The following BMP6 variants were observed in gnomAD, a reference collection of about 807,000 sequenced individuals.
BMP6 encodes the protein VG-1-R.
BMP6 carries 17 observed loss-of-function variants against 54.1 expected under a neutral mutation model. The ratio of observed to expected loss-of-function variants is 0.31; its 90% confidence interval spans 0.22 to 0.47. BMP6 has a LOEUF of 0.47. BMP6 is among the 20% of genes least tolerant of loss of function. The pLI is 1.00. For missense variants in BMP6, 720 were observed against 690.4 expected (o/e 1.04, Z -0.48); for synonymous variants, 328 against 291.2 (o/e 1.13, Z -1.28).
intron 1 of BMP6, among the ~76,000 whole-genome samples, chr6:7,813,533 C>G (rs1385587736): frequency 7.0e-6 from 1 of 142,250 alleles, no homozygotes; most frequent in Non-Finnish European, 1.5e-5. Context: ...GTCTCAGCTA[C>G]TAGGGAGGCT....
chr6:7,771,738 C>T (rs1244103803), intron 1 of BMP6, among the ~76,000 whole-genome samples: 1 of 152,176 alleles, frequency 6.6e-6, no homozygotes, highest in Non-Finnish European at 1.5e-5. Context: ...CAAAACTGCG[C>T]ATCAGCCATT....
At chr6:7,859,378 T>G (rs1024972949) in intron 2 of BMP6, among the ~76,000 whole-genome samples, 3 of 152,126 alleles carry the variant, frequency 2.0e-5, no homozygotes, top group African/African-American at 4.8e-5. Context: ...CCTAATCTAG[T>G]CATCAGAGGT....
chr6:7,865,350 C>T (rs1322004870), intron 4 of BMP6, among the ~76,000 whole-genome samples: 3 of 152,136 alleles, frequency 2.0e-5, no homozygotes, highest in South Asian at 2.1e-4. Context: ...AGGGTTCATA[C>T]GAAATCTCTC....
intron 4 of BMP6, among the ~76,000 whole-genome samples, chr6:7,867,029 C>G (rs1759434574): frequency 6.6e-6 from 1 of 152,168 alleles, no homozygotes; most frequent in Non-Finnish European, 1.5e-5. Flanking sequence ...CACCACTACT[C>G]CTGGATAATT....
At chr6:7,848,318 A>G (rs895353521) in intron 2 of BMP6, among the ~76,000 whole-genome samples, 36 of 152,312 alleles carry the variant, frequency 2.4e-4, no homozygotes, top group African/African-American at 7.9e-4. Context: ...GACTTCCCCA[A>G]CTACACCTAT....
intron 4 of BMP6, among the ~76,000 whole-genome samples, chr6:7,863,646 G>A (rs1353916572): frequency 3.3e-5 from 5 of 152,180 alleles, no homozygotes; most frequent in Admixed American, 2.0e-4. Flanking sequence ...GTCCCATTCT[G>A]CTCAGAACAG....
chr6:7,811,715 A>T (rs1023692925), intron 1 of BMP6, among the ~76,000 whole-genome samples: 5 of 152,140 alleles, frequency 3.3e-5, no homozygotes, highest in African/African-American at 1.2e-4. Context: ...AGGCCTCTTC[A>T]TTGTCGCTCT....
chr6:7,797,362 T>C (rs890492797), intron 1 of BMP6, among the ~76,000 whole-genome samples: 1 of 152,214 alleles, frequency 6.6e-6, no homozygotes, highest in Non-Finnish European at 1.5e-5. Context: ...GTATAGTCGC[T>C]TCAGCTTTCT....
chr6:7,813,444 G>GAT (rs1482116669), intron 1 of BMP6, among the ~76,000 whole-genome samples: 1 of 93,978 alleles, frequency 1.1e-5, no homozygotes, highest in African/African-American at 4.3e-5. Flanking sequence ...AACATAGTGA[G>GAT]ATCCCTGTCT....
At chr6:7,747,137 C>T (rs1396965665) in intron 1 of BMP6, among the ~76,000 whole-genome samples, 2 of 152,194 alleles carry the variant, frequency 1.3e-5, no homozygotes, top group Middle Eastern at 3.2e-3. Flanking sequence ...GGCAGCCCTG[C>T]GTATGGGAGA....
intron 1 of BMP6, among the ~76,000 whole-genome samples, chr6:7,820,199 ATATAC>A (rs1758585350): frequency 6.6e-6 from 1 of 152,268 alleles, no homozygotes; most frequent in Non-Finnish European, 1.5e-5. Flanking sequence ...ATGTGTGTGC[ATATAC>A]AAATGACATC....
rs140786104 is a variant in BMP6 at position 7,848,729 on chromosome 6, G to T, written c.857+3397G>T. The stretch of plus-strand genomic sequence containing the variant: ...CTGCAACAATAGTCTGCATCATTAA[G>T]CTTGAGTAACACATGATGCCTTTGC... On this transcript the variant is annotated intron_variant, in intron 2 of 6. Transcript: ENST00000283147. Among the ~76,000 whole-genome samples the T allele has an allele frequency of 2.2e-3, 338 of 152,328 alleles. 2 individuals are homozygous for T. The highest frequency in any genetic ancestry group is 7.7e-3 in the African/African-American group (322 of 41,574).
intron 2 of BMP6, among the ~76,000 whole-genome samples, chr6:7,850,250 C>G (rs1759122997): frequency 6.6e-6 from 1 of 152,142 alleles, no homozygotes; most frequent in Non-Finnish European, 1.5e-5. Flanking sequence ...TCAAGCCATT[C>G]TCTTGCCTCA....
At chr6:7,727,912 C>T (rs1055078691) in intron 1 of BMP6, among the ~76,000 whole-genome samples, 3 of 144,180 alleles carry the variant, frequency 2.1e-5, no homozygotes, top group Non-Finnish European at 1.6e-5. Flanking sequence ...TTGCGGACTC[C>T]CTGAGCACGT....
intron 1 of BMP6, among the ~76,000 whole-genome samples, chr6:7,780,306 G>A (rs531079148): frequency 2.0e-5 from 3 of 152,166 alleles, no homozygotes; most frequent in South Asian, 2.1e-4. Context: ...CCAGAACTTT[G>A]GAAGGCCGAG....
intron 1 of BMP6, among the ~76,000 whole-genome samples, chr6:7,772,474 C>CT (rs1182189076): frequency 2.6e-5 from 4 of 152,188 alleles, no homozygotes. Flanking sequence ...CCAGAACACT[C>CT]TCTCCCTGTA....
intron 1 of BMP6, among the ~76,000 whole-genome samples, chr6:7,843,394 A>C (rs1295722589): frequency 6.6e-6 from 1 of 150,962 alleles, no homozygotes; most frequent in Non-Finnish European, 1.5e-5. Flanking sequence ...GCCATTGAGG[A>C]CTTAGATTCT....
chr6:7,792,190 C>T (rs750160321), intron 1 of BMP6, among the ~76,000 whole-genome samples: 14 of 152,154 alleles, frequency 9.2e-5, no homozygotes, highest in African/African-American at 2.7e-4. Flanking sequence ...ACCTGGGAAA[C>T]CTCCGTTTTT....
intron 1 of BMP6, among the ~76,000 whole-genome samples, chr6:7,832,557 G>A (rs528955753): frequency 6.6e-6 from 1 of 152,164 alleles, no homozygotes; most frequent in African/African-American, 2.4e-5. Context: ...AGCCCAAATG[G>A]ACTAAGACAA....
Sources: gnomAD v4.1 joint callset for allele counts (sites outside exome capture counted in the v4.1 genomes callset) on GRCh38, gnomAD v4.1.1 for gene constraint, MANE v1.5 for transcripts, NCBI Gene and HGNC (gene_info 2026-07-23, HGNC 2026-07-21) for gene names.